The following ASTN2 variants were observed in gnomAD, a reference collection of about 807,000 sequenced individuals.
ASTN2 encodes the protein astrotactin-2.
A neutral mutation model predicts 139.8 loss-of-function variants in ASTN2; 54 were observed. That is an observed-to-expected ratio of 0.39 (90% CI 0.31 to 0.48). The LOEUF (loss-of-function observed/expected upper bound fraction) is 0.48. ASTN2 is among the 20% of genes least tolerant of loss of function. The probability of loss-of-function intolerance (pLI) is 0.95; values close to 1 mark genes in which losing one functional copy is unlikely to be tolerated. For synonymous variants in ASTN2, 756 were observed against 719.5 expected (o/e 1.05, Z -0.81); for missense variants, 1,565 against 1,725.1 (o/e 0.91, Z 1.64).
At position 116,976,173 on chromosome 9, in the gene ASTN2, C is replaced by T. The variant is rs186614821; in HGVS notation, c.1692G>A (p.Thr564=). ...CCAGATCATAGCCCCTCTCAAGTGT[C>T]GTGTAGGGCCAAGGTCTATGGGAAG... The part of the protein sequence containing the change: ...WGQSEGPWPY[T]TLERGYDLVT... The change falls in exon 9 of 23, where the codon ACG becomes ACA. Residue 564 remains threonine (T), a synonymous_variant. Coordinates refer to ENST00000313400, the MANE Select transcript of ASTN2 (RefSeq NM_001365068.1). 9.0e-5 allele frequency: 146 copies of T among 1,614,066 alleles called. No individual in the cohort carries two copies. The East Asian group carries it at 2.9e-3, about 32-fold the overall frequency.
intron 4 of ASTN2, among the ~76,000 whole-genome samples, chr9:117,115,267 A>C (rs983555074): frequency 6.6e-6 from 1 of 152,194 alleles, no homozygotes; most frequent in Non-Finnish European, 1.5e-5. Flanking sequence ...CTGTAATCCC[A>C]GCACTTTGGG....
intron 1 of ASTN2, among the ~76,000 whole-genome samples, chr9:117,341,684 G>A (rs1829065013): frequency 6.6e-6 from 1 of 152,046 alleles, no homozygotes; most frequent in Admixed American, 6.6e-5. Context: ...GTGCATAGGA[G>A]GATACAAAGC....
intron 5 of ASTN2, among the ~76,000 whole-genome samples, chr9:117,087,973 C>T (rs1329547745): frequency 6.6e-6 from 1 of 152,140 alleles, no homozygotes; most frequent in African/African-American, 2.4e-5. Context: ...CTATCTTTGG[C>T]CTAGCTTCAC....
intron 13 of ASTN2, among the ~76,000 whole-genome samples, chr9:116,798,341 T>G (rs1043243933): frequency 6.3e-4 from 96 of 152,350 alleles, no homozygotes; most frequent in African/African-American, 2.3e-3. Context: ...CTATAAATTT[T>G]GTGGTTCTTC....
intron 1 of ASTN2, among the ~76,000 whole-genome samples, chr9:117,342,237 T>G (rs950211488): frequency 7.9e-5 from 12 of 152,222 alleles, no homozygotes; most frequent in Non-Finnish European, 1.6e-4. Flanking sequence ...CATGCTAAAA[T>G]GCCAGATGGT....
At chr9:117,280,456 A>T (rs1161597591) in intron 2 of ASTN2, among the ~76,000 whole-genome samples, 1 of 152,186 alleles carries the variant, frequency 6.6e-6, no homozygotes, top group Non-Finnish European at 1.5e-5. Context: ...TATCAAGGTG[A>T]ACCCTAAATC....
At chr9:116,902,267 C>T (rs1005369988) in intron 10 of ASTN2, among the ~76,000 whole-genome samples, 42 of 151,710 alleles carry the variant, frequency 2.8e-4, no homozygotes, top group African/African-American at 7.5e-4. Flanking sequence ...TAGGCTAATA[C>T]GTGCATTTGT....
chr9:116,865,735 G>C (rs926857423), intron 10 of ASTN2, among the ~76,000 whole-genome samples: 4 of 152,178 alleles, frequency 2.6e-5, no homozygotes, highest in African/African-American at 7.2e-5. Flanking sequence ...GGCTGGCCCT[G>C]AAGAGGGGAT....
chr9:117,286,058 C>A (rs1365082633), intron 2 of ASTN2, among the ~76,000 whole-genome samples: 1 of 152,112 alleles, frequency 6.6e-6, no homozygotes, highest in African/African-American at 2.4e-5. Flanking sequence ...CAAGACACAT[C>A]ACATTAAAAT....
chr9:116,589,652 A>G (rs1854300584), intron 19 of ASTN2, among the ~76,000 whole-genome samples: 1 of 152,158 alleles, frequency 6.6e-6, no homozygotes, highest in Admixed American at 6.5e-5. Context: ...GTGTTTCTCC[A>G]GTAGAGGGCA....
At chr9:117,154,323 C>T (rs918707249) in intron 3 of ASTN2, among the ~76,000 whole-genome samples, 7 of 151,960 alleles carry the variant, frequency 4.6e-5, no homozygotes, top group African/African-American at 1.7e-4. Context: ...TAAGAGCAGG[C>T]TGGCTTCATT....
chr9:117,130,348 C>A (rs1269219009), intron 4 of ASTN2, among the ~76,000 whole-genome samples: 1 of 152,092 alleles, frequency 6.6e-6, no homozygotes, highest in East Asian at 1.9e-4. Context: ...ATCACTGAAT[C>A]TTAATGTGCA....
intron 2 of ASTN2, among the ~76,000 whole-genome samples, chr9:117,214,976 C>T (rs1832265850): frequency 6.6e-6 from 1 of 152,164 alleles, no homozygotes; most frequent in South Asian, 2.1e-4. Context: ...CCTTGCTTTC[C>T]ATAGTTATAA....
chr9:116,793,616 A>G (rs1218002154), intron 13 of ASTN2, among the ~76,000 whole-genome samples: 1 of 152,242 alleles, frequency 6.6e-6, no homozygotes, highest in Admixed American at 6.5e-5. Flanking sequence ...TGAATACAAA[A>G]GGAACTTAAC....
intron 1 of ASTN2, among the ~76,000 whole-genome samples, chr9:117,323,974 A>C (rs1030651087): frequency 6.6e-6 from 1 of 152,148 alleles, no homozygotes; most frequent in African/African-American, 2.4e-5. Flanking sequence ...CAGGGGACAC[A>C]ATGATAAATA....
At chr9:117,304,901 C>T (rs921512195) in intron 1 of ASTN2, among the ~76,000 whole-genome samples, 2 of 152,144 alleles carry the variant, frequency 1.3e-5, no homozygotes, top group Middle Eastern at 3.2e-3. Context: ...AGGGAACTAA[C>T]GACCCTCTTG....
intron 5 of ASTN2, among the ~76,000 whole-genome samples, chr9:117,082,424 T>C (rs115497549): frequency 8.5e-5 from 13 of 152,306 alleles, no homozygotes; most frequent in African/African-American, 3.1e-4. Context: ...GTGTTCCCAT[T>C]CTACCCCAAT....
chr9:116,485,028 G>A (rs934227084), intron 20 of ASTN2, among the ~76,000 whole-genome samples: 9 of 152,178 alleles, frequency 5.9e-5, no homozygotes, highest in Non-Finnish European at 1.2e-4. Context: ...GGAATCACCC[G>A]ACAGGATTCT....
At chr9:116,658,617 T>G (rs964925701) in intron 16 of ASTN2, among the ~76,000 whole-genome samples, 2 of 151,808 alleles carry the variant, frequency 1.3e-5, no homozygotes, top group African/African-American at 4.8e-5. Context: ...GAAAAGCCCC[T>G]GAACAAGCCC....
Sources: gnomAD v4.1 joint callset for allele counts (sites outside exome capture counted in the v4.1 genomes callset) on GRCh38, gnomAD v4.1.1 for gene constraint, MANE v1.5 for transcripts, NCBI Gene and HGNC (gene_info 2026-07-23, HGNC 2026-07-21) for gene names.